PCDHAC1: variants seen among roughly 807,000 people sequenced by gnomAD.
The protein encoded by PCDHAC1 is protocadherin alpha subfamily C, 1, also known as protocadherin alpha-C1.
Under a neutral mutation model 60.0 loss-of-function variants are expected in PCDHAC1, and 42 were observed. The ratio of observed to expected loss-of-function variants is 0.70; its 90% CI spans 0.55 to 0.90. The LOEUF is 0.90. Among genes scored for constraint, PCDHAC1 ranks in the 40% least tolerant of loss-of-function variants. The pLI is 0.00. For synonymous variants in PCDHAC1, 468 were observed against 499.3 expected, an observed-to-expected ratio of 0.94 and a Z score of 0.84; for missense variants, 1,160 against 1,222.3, an observed-to-expected ratio of 0.95 and a Z score of 0.76.
intron 1 of PCDHAC1, among the ~76,000 whole-genome samples, chr5:140,957,407 ATTG>A (rs2095357259): frequency 6.6e-6 from 1 of 152,156 alleles, no homozygotes; most frequent in Non-Finnish European, 1.5e-5. Context: ...ATTTATTATT[ATTG>A]TTGTTAATCT....
chr5:140,988,024 A>G (rs2153870091), intron 3 of PCDHAC1, among the ~76,000 whole-genome samples: 1 of 152,316 alleles, frequency 6.6e-6, no homozygotes, highest in East Asian at 1.9e-4. Flanking sequence ...ATGATTCTTA[A>G]GTTTTTTAGA....
Position 141,011,605 on chromosome 5 carries a change from T to C in PCDHAC1, c.*1668T>C, listed in dbSNP as rs971128266. On this transcript the variant is annotated 3_prime_UTR_variant, in exon 4 of 4. Coordinates refer to ENST00000253807, the MANE Select transcript of PCDHAC1 (RefSeq NM_018898.5). The stretch of plus-strand genomic sequence containing the variant: ...AAGATACTGGTGATTCAAGGAATTT[T>C]ATTTATGGTCCAGCCAAGAGCCATC... 4 of 153,780 alleles carry C rather than the reference T, an allele frequency of 2.6e-5. No homozygotes were observed. Among genetic ancestry groups the C allele is most frequent in the Non-Finnish European group, 4.4e-5 (3 of 68,032 alleles). 9.5% of individuals were successfully genotyped at this position (153,780 alleles called of 1,614,324 possible). A position where few individuals can be genotyped will look rare whatever the true frequency, so the allele number is the denominator to read the frequency against.
chr5:140,939,894 T>G (rs1554213013), intron 1 of PCDHAC1, among the ~76,000 whole-genome samples: 2 of 152,220 alleles, frequency 1.3e-5, no homozygotes, highest in Non-Finnish European at 2.9e-5. Context: ...TGTTCAAATA[T>G]TCTGCATTCT....
intron 1 of PCDHAC1, among the ~76,000 whole-genome samples, chr5:140,949,698 T>G (rs188313112): frequency 6.6e-6 from 1 of 151,984 alleles, no homozygotes; most frequent in African/African-American, 2.4e-5. Flanking sequence ...TTGTTGGATC[T>G]TGCTGTTTTA....
chr5:140,950,512 G>T (rs1239372084), intron 1 of PCDHAC1, among the ~76,000 whole-genome samples: 11 of 152,016 alleles, frequency 7.2e-5, no homozygotes, highest in Non-Finnish European at 7.4e-5. Context: ...TATTCCCTGT[G>T]TGCGATATGA....
intron 1 of PCDHAC1, among the ~76,000 whole-genome samples, chr5:140,944,398 G>C (rs1326523434): frequency 4.6e-5 from 7 of 152,104 alleles, no homozygotes; most frequent in African/African-American, 2.4e-5. Flanking sequence ...TGTTATCCAG[G>C]CTGGTCTCGA....
At chr5:140,950,546 C>G (rs1323652854) in intron 1 of PCDHAC1, among the ~76,000 whole-genome samples, 4 of 151,970 alleles carry the variant, frequency 2.6e-5, no homozygotes, top group Non-Finnish European at 4.4e-5. Flanking sequence ...TCTTGCATGG[C>G]TGGGGGGACA....
At chr5:141,007,980 A>G (rs533342900) in intron 3 of PCDHAC1, among the ~76,000 whole-genome samples, 1 of 152,338 alleles carries the variant, frequency 6.6e-6, no homozygotes, top group East Asian at 1.9e-4. Context: ...TGTCATGTAT[A>G]TATGAAATGT....
intron 3 of PCDHAC1, among the ~76,000 whole-genome samples, chr5:140,997,668 T>TTGTGTGTGTGTGTG (rs35184029): frequency 1.7e-4 from 25 of 148,344 alleles, no homozygotes; most frequent in African/African-American, 6.2e-4. Flanking sequence ...ATTATACAGC[T>TTGTGTGTGTGTGTG]TGTGTGTGTG....
intron 1 of PCDHAC1, among the ~76,000 whole-genome samples, chr5:140,955,954 T>C (rs782364189): frequency 2.0e-5 from 3 of 152,184 alleles, no homozygotes; most frequent in Non-Finnish European, 2.9e-5. Context: ...TACTTGCTTG[T>C]TGTTTGTGCA....
chr5:140,953,364 G>T (rs1177357093), intron 1 of PCDHAC1, among the ~76,000 whole-genome samples: 1 of 152,088 alleles, frequency 6.6e-6, no homozygotes, highest in Non-Finnish European at 1.5e-5. Flanking sequence ...TGCACTCAAG[G>T]ATTCTCTACC....
chr5:140,979,130 A>C, intron 2 of PCDHAC1, 123 bp downstream of exon 2: 1 of 1,473,242 alleles, frequency 6.8e-7, no homozygotes, highest in Admixed American at 2.7e-5. Flanking sequence ...TTTGCCAGGA[A>C]AATGCAATTA....
intron 3 of PCDHAC1, among the ~76,000 whole-genome samples, chr5:141,000,401 A>ATT (rs2097917579): frequency 1.3e-5 from 1 of 76,232 alleles, no homozygotes; most frequent in Non-Finnish European, 2.5e-5. Flanking sequence ...CTCTCTATAT[A>ATT]TATATATATA....
At chr5:140,997,702 T>C (rs548432387) in intron 3 of PCDHAC1, among the ~76,000 whole-genome samples, 1 of 150,740 alleles carries the variant, frequency 6.6e-6, no homozygotes, top group Non-Finnish European at 1.5e-5. Context: ...GTGTGTATGT[T>C]AACAAACACC....
At chr5:140,995,087 C>T (rs1482673933) in intron 3 of PCDHAC1, among the ~76,000 whole-genome samples, 1 of 152,222 alleles carries the variant, frequency 6.6e-6, no homozygotes, top group Non-Finnish European at 1.5e-5. Flanking sequence ...CCAAACTTAT[C>T]TGTGGAGATA....
At chr5:140,967,136 C>CTT (rs1401459371) in intron 1 of PCDHAC1, 1 of 1,611,568 alleles carries the variant, frequency 6.2e-7, no homozygotes, top group African/African-American at 1.3e-5. Context: ...CTTGGAAGTG[C>CTT]TGGCGCACAA....
At chr5:140,992,187 G>C (rs1395618041) in intron 3 of PCDHAC1, among the ~76,000 whole-genome samples, 1 of 152,118 alleles carries the variant, frequency 6.6e-6, no homozygotes, top group Non-Finnish European at 1.5e-5. Flanking sequence ...CATGCTTTCA[G>C]TGATCTATCC....
At chr5:140,967,809 A>G in intron 1 of PCDHAC1, 1 of 1,614,190 alleles carries the variant, frequency 6.2e-7, no homozygotes. Flanking sequence ...ATGGCAGGTC[A>G]CTGCAAGGTG....
intron 1 of PCDHAC1, among the ~76,000 whole-genome samples, chr5:140,942,021 A>C (rs2093219800): frequency 6.6e-6 from 1 of 152,198 alleles, no homozygotes; most frequent in South Asian, 2.1e-4. Context: ...TTTTGGGAAA[A>C]AATAATTCAT....
Sources: allele counts gnomAD v4.1 joint callset (sites outside exome capture counted in the v4.1 genomes callset), GRCh38; gene constraint gnomAD v4.1.1; transcripts MANE v1.5; gene names NCBI Gene and HGNC (gene_info 2026-07-23, HGNC 2026-07-21).